RABEPK: variants seen among roughly 807,000 people sequenced by gnomAD.
The protein encoded by RABEPK is Rab9 effector protein with kelch motifs, also known as 40 kDa Rab9 effector protein.
In RABEPK, 27 loss-of-function variants were observed where a neutral mutation model predicts 34.1. The ratio of observed to expected loss-of-function variants is 0.79; its 90% CI spans 0.58 to 1.09. The LOEUF (loss-of-function observed/expected upper bound fraction) is 1.09, where lower values mean the gene tolerates loss of function less well. Among genes scored for constraint, RABEPK ranks in the 50% least tolerant of loss-of-function variants. RABEPK has a pLI of 0.00. For missense variants in RABEPK, 449 were observed against 462.6 expected (o/e 0.97, Z 0.27); for synonymous variants, 172 against 169.2 (o/e 1.02, Z -0.13).
chr9:125,228,487 T>C lies in RABEPK; in HGVS notation c.676+428T>C, dbSNP rs565706642. Among the ~76,000 whole-genome samples the C allele has an allele frequency of 2.0e-5, 3 of 151,654 alleles. No homozygotes were observed. In the South Asian group the frequency reaches 6.2e-4, roughly 32 times the overall value. ...GCCTGGCCAACATGGTGAAACCCCG[T>C]GTCTACTAAAAATACAAAAATTAGC... On this transcript the variant is annotated intron_variant, in intron 6 of 7. Transcript: ENST00000373538.
chr9:125,211,267 A>G (rs1830579639), intron 3 of RABEPK, among the ~76,000 whole-genome samples: 2 of 151,494 alleles, frequency 1.3e-5, no homozygotes, highest in Non-Finnish European at 1.5e-5. Context: ...CTCCTGCCTC[A>G]TACTCCCAAG....
At chr9:125,214,121 C>CAAAAAA (rs906400070) in intron 4 of RABEPK, among the ~76,000 whole-genome samples, 13 of 120,174 alleles carry the variant, frequency 1.1e-4, no homozygotes, top group Admixed American at 9.6e-4. Flanking sequence ...GACTCTGTCT[C>CAAAAAA]AAAAAAAAAA....
At position 125,213,457 on chromosome 9, in the gene RABEPK, G is replaced by A. The variant is rs147509125; in HGVS notation, c.299G>A (p.Arg100His). The change falls in exon 4 of 8, where the codon CGT becomes CAT. Residue 100 changes from arginine (R) to histidine (H), a missense_variant. Transcript: ENST00000373538. ...TTCATTCCCTCCTGCACACCTGACC[G>A]TATCTGGGTATTTGGAGGTGCCAAC... ...ASFIPSCTPDRIWVFGGANQS... is the reference protein window; with the variant it reads ...ASFIPSCTPDHIWVFGGANQS... 31 of 1,613,882 alleles carry A rather than the reference G, an allele frequency of 1.9e-5. No homozygotes were observed. The highest frequency in any genetic ancestry group is 1.6e-4 in the Middle Eastern group (1 of 6,084).
chr9:125,216,979 AAAAG>A (rs1830972211), intron 4 of RABEPK, among the ~76,000 whole-genome samples: 1 of 151,964 alleles, frequency 6.6e-6, no homozygotes, highest in Non-Finnish European at 1.5e-5. Context: ...AAAAAAAAAA[AAAAG>A]AAGAAAGTGA....
chr9:125,218,264 G>A (rs1032085768), intron 4 of RABEPK, among the ~76,000 whole-genome samples: 2 of 138,004 alleles, frequency 1.4e-5, no homozygotes, highest in Non-Finnish European at 3.0e-5. Flanking sequence ...AGCTTGCAAA[G>A]TGAGCCGAGA....
intron 4 of RABEPK, among the ~76,000 whole-genome samples, chr9:125,217,920 A>G (rs761102544): frequency 3.9e-5 from 6 of 152,138 alleles, no homozygotes; most frequent in Non-Finnish European, 5.9e-5. Flanking sequence ...CACATATTAC[A>G]GATGTTTCCT....
chr9:125,212,627 G>A (rs1830660478), intron 3 of RABEPK, among the ~76,000 whole-genome samples: 1 of 151,782 alleles, frequency 6.6e-6, no homozygotes, highest in South Asian at 2.1e-4. Flanking sequence ...TATTTAGTCA[G>A]ATACAGGCGT....
chr9:125,228,854 T>C (rs1471095788), intron 6 of RABEPK, among the ~76,000 whole-genome samples: 1 of 147,782 alleles, frequency 6.8e-6, no homozygotes, highest in African/African-American at 2.5e-5. Flanking sequence ...TCCTAGCTAC[T>C]TGGGAGGCTG....
intron 4 of RABEPK, among the ~76,000 whole-genome samples, chr9:125,219,260 G>A (rs1020779211): frequency 2.2e-5 from 3 of 136,094 alleles, no homozygotes; most frequent in African/African-American, 5.6e-5. Flanking sequence ...GCAATGGCAC[G>A]ATCATAGTTC....
At chr9:125,216,879 A>G (rs1341070289) in intron 4 of RABEPK, among the ~76,000 whole-genome samples, 1 of 151,836 alleles carries the variant, frequency 6.6e-6, no homozygotes, top group African/African-American at 2.4e-5. Flanking sequence ...AGGCAGGAGA[A>G]TCGCTTGAAC....
intron 2 of RABEPK, 43 bp downstream of exon 2, chr9:125,203,109 G>C: frequency 6.4e-7 from 1 of 1,552,570 alleles, no homozygotes; most frequent in Non-Finnish European, 8.9e-7. Flanking sequence ...ATGAGTTTTT[G>C]TTTCATTTAT....
chr9:125,229,152 G>A (rs530676745), intron 6 of RABEPK, among the ~76,000 whole-genome samples: 1 of 152,156 alleles, frequency 6.6e-6, no homozygotes, highest in Admixed American at 6.6e-5. Flanking sequence ...TACTCGGGAG[G>A]CTGAGGCAGG....
chr9:125,228,132 T>C (rs992257204), intron 6 of RABEPK, 73 bp downstream of exon 6: 3 of 1,212,884 alleles, frequency 2.5e-6, no homozygotes, highest in African/African-American at 1.6e-5. Flanking sequence ...AGACAGGATC[T>C]CTGTCTGTCA....
At chr9:125,214,116 T>C (rs1158157685) in intron 4 of RABEPK, among the ~76,000 whole-genome samples, 1 of 150,796 alleles carries the variant, frequency 6.6e-6, no homozygotes, top group African/African-American at 2.4e-5. Flanking sequence ...AGTGAGACTC[T>C]GTCTCAAAAA....
chr9:125,220,822 G>A, intron 5 of RABEPK, 122 bp downstream of exon 5: 1 of 1,245,250 alleles, frequency 8.0e-7, no homozygotes, highest in South Asian at 1.7e-5. Context: ...AGACTTCTTT[G>A]TTATATCTCT....
intron 4 of RABEPK, among the ~76,000 whole-genome samples, chr9:125,215,028 G>A (rs1327506911): frequency 6.6e-6 from 1 of 151,976 alleles, no homozygotes; most frequent in East Asian, 1.9e-4. Context: ...GATCTCAGGT[G>A]ATCCGCCCAC....
intron 7 of RABEPK, 113 bp downstream of exon 7, chr9:125,232,858 A>C (rs1266559641): frequency 4.5e-6 from 5 of 1,118,762 alleles, no homozygotes. Flanking sequence ...CAGGCAGATC[A>C]CGAGGTCAGG....
At chr9:125,210,358 C>T (rs866362599) in intron 3 of RABEPK, among the ~76,000 whole-genome samples, 14 of 140,820 alleles carry the variant, frequency 9.9e-5, no homozygotes, top group African/African-American at 3.0e-4. Flanking sequence ...GAGTGGAGAT[C>T]GTGCCACTGC....
intron 2 of RABEPK, among the ~76,000 whole-genome samples, chr9:125,207,014 G>A (rs566283723): frequency 3.8e-4 from 57 of 151,590 alleles, no homozygotes; most frequent in South Asian, 2.9e-3. Flanking sequence ...GCTTGAACCC[G>A]GGAGGCGGAG....
Sources: allele counts gnomAD v4.1 joint callset (sites outside exome capture counted in the v4.1 genomes callset), GRCh38; gene constraint gnomAD v4.1.1; transcripts MANE v1.5; gene names NCBI Gene and HGNC (gene_info 2026-07-23, HGNC 2026-07-21).